The following PDE1C variants were observed in gnomAD, a reference collection of about 807,000 sequenced individuals.
PDE1C encodes phosphodiesterase 1C.
PDE1C carries 62 observed loss-of-function variants against 93.1 expected under a neutral mutation model. The observed-to-expected ratio is 0.67, with a 90% CI of 0.54 to 0.82. PDE1C has a LOEUF of 0.82. Among genes scored for constraint, PDE1C ranks in the 40% least tolerant of loss-of-function variants. PDE1C has a pLI of 0.00. For synonymous variants in PDE1C, 325 were observed against 310.1 expected (o/e 1.05, Z -0.50); for missense variants, 742 against 884.6 (o/e 0.84, Z 2.04).
At chr7:32,309,325 G>T (rs1175066225) in intron 1 of PDE1C, among the ~76,000 whole-genome samples, 1 of 152,194 alleles carries the variant, frequency 6.6e-6, no homozygotes, top group Admixed American at 6.5e-5. Context: ...AAAACACTCT[G>T]CAGGATATTA....
chr7:32,147,318 AAG>A (rs1800950591), intron 3 of PDE1C, among the ~76,000 whole-genome samples: 1 of 144,302 alleles, frequency 6.9e-6, no homozygotes, highest in East Asian at 2.0e-4. Context: ...GAAAGAAAGA[AAG>A]AAAGAAAGAA....
At chr7:31,688,841 C>T in the PDE1C span, among the ~76,000 whole-genome samples, 5 of 152,272 alleles carry the variant, frequency 3.3e-5, no homozygotes, top group East Asian at 3.9e-4. Context: ...TGTCAAACAA[C>T]CACAACCAGA....
At chr7:32,075,215 C>CT (rs1329925589), upstream of PDE1C, among the ~76,000 whole-genome samples, 2 of 152,194 alleles carry the variant, frequency 1.3e-5, no homozygotes, top group African/African-American at 4.8e-5. Flanking sequence ...AAGAGCAAAG[C>CT]TTTTTTTCTT....
the PDE1C span, among the ~76,000 whole-genome samples, chr7:31,679,717 G>A: frequency 6.6e-5 from 10 of 152,146 alleles, no homozygotes; most frequent in African/African-American, 1.9e-4. Context: ...TAAACGGTGC[G>A]TTGTGTCTGC....
the PDE1C span, chr7:31,652,559 A>G: frequency 6.2e-7 from 1 of 1,609,700 alleles, no homozygotes; most frequent in Non-Finnish European, 8.5e-7. Flanking sequence ...AACACTATTC[A>G]AATCTGCATC....
At chr7:31,918,106 T>C (rs1240374662) in intron 2 of PDE1C, among the ~76,000 whole-genome samples, 2 of 152,172 alleles carry the variant, frequency 1.3e-5, no homozygotes, top group Non-Finnish European at 2.9e-5. Flanking sequence ...ATTTATTGTA[T>C]CAGACAGATC....
Position 32,427,926 on chromosome 7 carries a change from T to A in PDE1C, c.206A>T (p.His69Leu), listed in dbSNP as rs538687283. ...CGCCAACTTCGGCAGCTCTTCTCGA[T>A]GTCTCGCCGCGGGCTGTGCCTCACA... The change falls in exon 1 of 2, where the codon CAT becomes CTT. Residue 69 changes from histidine to leucine, a missense_variant. Coordinates refer to the PDE1C transcript ENST00000672256. The A allele has an allele frequency of 6.6e-6, 1 of 152,466 alleles. No individual in the cohort carries two copies. Among genetic ancestry groups the A allele is most frequent in the South Asian group, 2.1e-4 (1 of 4,828 alleles). 9.4% of individuals were successfully genotyped at this position (152,466 alleles called of 1,614,324 possible). A position where few individuals can be genotyped will look rare whatever the true frequency, so the allele number is the denominator to read the frequency against.
intron 16 of PDE1C, among the ~76,000 whole-genome samples, chr7:31,804,286 G>T (rs913194841): frequency 1.3e-5 from 2 of 151,836 alleles, no homozygotes; most frequent in Non-Finnish European, 2.9e-5. Context: ...ACAAATATGA[G>T]TCTTTTACCT....
intron 1 of PDE1C, among the ~76,000 whole-genome samples, chr7:32,327,769 C>CAAAAAA (rs34543961): frequency 9.5e-6 from 1 of 104,800 alleles, no homozygotes; most frequent in Non-Finnish European, 1.9e-5. Context: ...GACTCTGTCT[C>CAAAAAA]AAAAAAAAAA....
chr7:31,635,747 G>C, the PDE1C span, among the ~76,000 whole-genome samples: 1 of 152,016 alleles, frequency 6.6e-6, no homozygotes, highest in African/African-American at 2.4e-5. Context: ...GACACAGGGA[G>C]GGGAACACCA....
chr7:31,959,707 T>C (rs1342629966), intron 2 of PDE1C, among the ~76,000 whole-genome samples: 1 of 152,150 alleles, frequency 6.6e-6, no homozygotes, highest in Non-Finnish European at 1.5e-5. Flanking sequence ...AAGTTTCCAA[T>C]TGTTTAAAGA....
intron 2 of PDE1C, among the ~76,000 whole-genome samples, chr7:31,954,335 A>G (rs938205972): frequency 2.6e-5 from 4 of 152,194 alleles, no homozygotes; most frequent in African/African-American, 7.2e-5. Context: ...CAAAACAGAA[A>G]GAGCCTGAGT....
At chr7:31,952,764 G>C (rs1298771290) in intron 2 of PDE1C, among the ~76,000 whole-genome samples, 10 of 152,132 alleles carry the variant, frequency 6.6e-5, no homozygotes, top group Admixed American at 6.6e-4. Flanking sequence ...CATGTGAATG[G>C]AGCTTGAGGA....
chr7:32,051,686 G>T (rs1793402404), intron 1 of PDE1C, 106 bp from the exon 2 acceptor site: 1 of 875,802 alleles, frequency 1.1e-6, no homozygotes, highest in Non-Finnish European at 1.9e-6. Context: ...CACTTCTTAG[G>T]GGGGTTTCTC....
At chr7:32,206,195 C>T (rs1218852208) in intron 2 of PDE1C, among the ~76,000 whole-genome samples, 2 of 151,992 alleles carry the variant, frequency 1.3e-5, no homozygotes, top group African/African-American at 4.8e-5. Context: ...ATGTAGGAGA[C>T]CTTTGAGGAT....
chr7:31,805,164 A>T (rs1369069853), intron 16 of PDE1C, among the ~76,000 whole-genome samples: 3 of 151,646 alleles, frequency 2.0e-5, no homozygotes, highest in Non-Finnish European at 4.4e-5. Flanking sequence ...GGCCTCCTCA[A>T]CCATGTGGAA....
rs188470564 is a variant in PDE1C at position 32,370,558 on chromosome 7, G to A, written c.310+57264C>T. On this transcript the variant is annotated intron_variant, in intron 1 of 1. Transcript: ENST00000672256. ...AAGGACAGGAAACCAAACACCACAT[G>A]TTCTCACTTATAGATGGGAATTGAA... Among the ~76,000 whole-genome samples the A allele has an allele frequency of 7.7e-3, 1,147 of 149,314 alleles. 15 individuals carry two copies. The highest frequency in any genetic ancestry group is 0.027 in the African/African-American group (1,101 of 40,540).
intron 3 of PDE1C, among the ~76,000 whole-genome samples, chr7:32,109,938 C>G (rs1039080692): frequency 6.6e-6 from 1 of 152,032 alleles, no homozygotes; most frequent in Non-Finnish European, 1.5e-5. Context: ...TTAATAAACT[C>G]AAAGTGAAAT....
the PDE1C span, among the ~76,000 whole-genome samples, chr7:31,683,200 T>C: frequency 6.6e-6 from 1 of 152,222 alleles, no homozygotes; most frequent in African/African-American, 2.4e-5. Context: ...TGTGATATTG[T>C]GCTGTAGTTT....
Sources: gnomAD v4.1 joint callset for allele counts (sites outside exome capture counted in the v4.1 genomes callset) on GRCh38, gnomAD v4.1.1 for gene constraint, MANE v1.5 for transcripts, NCBI Gene and HGNC (gene_info 2026-07-23, HGNC 2026-07-21) for gene names.